Variants in ZNF517 observed in about 807,000 individuals in gnomAD.
ZNF517 encodes zinc finger protein 517.
In ZNF517, 12 loss-of-function variants were observed where a neutral mutation model predicts 12.1. The ratio of observed to expected loss-of-function variants is 0.99; its 90% CI spans 0.63 to 1.61. The LOEUF is 1.61. Ranked by LOEUF, ZNF517 falls within the 40% of genes most tolerant of loss-of-function variation. The pLI, the probability that ZNF517 is intolerant of heterozygous loss-of-function variation, is 0.00. For synonymous variants in ZNF517, 388 were observed against 310.2 expected, an observed-to-expected ratio of 1.25 and a Z score of -2.63; for missense variants, 781 against 693.2, an observed-to-expected ratio of 1.13 and a Z score of -1.42.
chr8:144,808,263 G>C lies in ZNF517; in HGVS notation c.1347G>C (p.Glu449Asp). The change falls in exon 5 of 5, where the codon GAG (glutamate) becomes GAC (aspartate). Residue 449 changes from glutamate to aspartate, a missense_variant. Coordinates refer to ENST00000359971, the MANE Select transcript of ZNF517 (RefSeq NM_213605.3). ...AGCACTACCGGCTCCACAGCGGCGAGAGGCCATACCGGTGCCGCGCCTGCG... is the reference window on the plus strand; with the variant it reads ...AGCACTACCGGCTCCACAGCGGCGACAGGCCATACCGGTGCCGCGCCTGCG... Reference protein sequence around the residue: ...LNEHYRLHSGERPYRCRACGR... With the variant: ...LNEHYRLHSGDRPYRCRACGR... 1.3e-6 allele frequency: 2 copies of C among 1,589,764 alleles called. No homozygotes were observed. Among genetic ancestry groups the C allele is most frequent in the Non-Finnish European group, 1.7e-6 (2 of 1,167,598 alleles).
intron 3 of ZNF517, 134 bp from the exon 4 acceptor site, chr8:144,803,991 C>T: frequency 9.3e-7 from 1 of 1,074,076 alleles, no homozygotes; most frequent in Non-Finnish European, 1.3e-6. Flanking sequence ...GGCCACCTAG[C>T]TGCCCCCTTC....
At chr8:144,800,352 T>A (rs1343793650) in intron 1 of ZNF517, 1 of 388,964 alleles carries the variant, frequency 2.6e-6, no homozygotes, top group East Asian at 1.6e-4. Flanking sequence ...TAAAAGCAGG[T>A]TTTTTTCCCC....
rs141134351 is a variant in ZNF517 at position 144,800,684 on chromosome 8, C to T, written c.-46+1747C>T. The T allele has an allele frequency of 7.5e-4, 737 of 985,364 alleles. 7 individuals carry two copies. The African/African-American group carries it at 0.012, about 16-fold the overall frequency. The allele number at this position is 985,364 out of a possible 1,614,324, so 61.0% of individuals were successfully genotyped here. On this transcript the variant is annotated intron_variant, in intron 1 of 4. Coordinates refer to ENST00000359971, the MANE Select transcript of ZNF517 (RefSeq NM_213605.3). The stretch of plus-strand genomic sequence containing the variant: ...GGTGGTGTGGCCCTGCTCTTCCATG[C>T]GTTTGCAGTCTGTGCCCTCTGTGCA...
In ZNF517 at chr8:144,807,973, G is replaced by A. The variant is rs1386742443; in HGVS notation, c.1057G>A (p.Ala353Thr). The change falls in exon 5 of 5, where the codon GCC (alanine) becomes ACC (threonine). Residue 353 changes from alanine to threonine, a missense_variant. Coordinates refer to ENST00000359971, the MANE Select transcript of ZNF517 (RefSeq NM_213605.3). ...GAQDGGVGQG[A>T]LLGAAQRPQA... ...CCAGGACGGCGGCGTGGGGCAGGGC[G>A]CCCTGCTCGGAGCTGCGCAGAGGCC... is the stretch of plus-strand genomic sequence containing the variant. 7 of 1,512,888 alleles carry A rather than the reference G, an allele frequency of 4.6e-6. No homozygotes were observed. The highest frequency in any genetic ancestry group is 2.2e-5 in the Admixed American group (1 of 44,862). 93.7% of individuals were successfully genotyped at this position (1,512,888 alleles called of 1,614,324 possible). A position where few individuals can be genotyped will look rare whatever the true frequency, so the allele number is the denominator to read the frequency against.
chr8:144,802,032 C>CA (rs534406587), intron 1 of ZNF517, among the ~76,000 whole-genome samples: 3 of 151,690 alleles, frequency 2.0e-5, no homozygotes, highest in Non-Finnish European at 4.4e-5. Flanking sequence ...GACCCTGTCT[C>CA]AAAAAAAGGA....
chr8:144,808,994 T>C lies in ZNF517; in HGVS notation c.*599T>C, dbSNP rs2954668. 0.29 allele frequency: 44,648 copies of C among 151,674 alleles called. 6,823 individuals carry two copies. The highest frequency in any genetic ancestry group is 0.33 in the Non-Finnish European group (22,513 of 67,932). The allele number at this position is 151,674 out of a possible 1,614,324, so 9.4% of individuals were successfully genotyped here. On this transcript the variant is annotated 3_prime_UTR_variant, in exon 5 of 5. Coordinates refer to ENST00000359971, the MANE Select transcript of ZNF517 (RefSeq NM_213605.3). The stretch of plus-strand genomic sequence containing the variant: ...TCTCTACAAAAAATTTAAAAATAAG[T>C]CAGGTATCGTGGTCTGTGCCTGTAC...
Position 144,808,712 on chromosome 8 carries a change from C to T in ZNF517, c.*317C>T, listed in dbSNP as rs1472678467. The T allele has an allele frequency of 1.1e-5, 3 of 261,400 alleles. No individual in the cohort carries two copies. The highest frequency in any genetic ancestry group is 7.0e-5 in the East Asian group (1 of 14,218). The allele number at this position is 261,400 out of a possible 1,614,324, so 16.2% of individuals were successfully genotyped here. A position where few individuals can be genotyped will look rare whatever the true frequency, so the allele number is the denominator to read the frequency against. On this transcript the variant is annotated 3_prime_UTR_variant, in exon 5 of 5. Transcript: ENST00000359971. ...CCCAAAGAGCAGGGCACAGGGGGCGCCACAGACGCATATGCAGCTGAGCTC... is the reference window on the plus strand; with the variant it reads ...CCCAAAGAGCAGGGCACAGGGGGCGTCACAGACGCATATGCAGCTGAGCTC...
At position 144,809,289 on chromosome 8, in the gene ZNF517, C is replaced by T. The variant is rs905378436; in HGVS notation, c.*894C>T. ...TACTGCAGCCTCCAGCTCCCAGGCT[C>T]AAGCGTTTCTCCCACCTTAGCCTCC... On this transcript the variant is annotated 3_prime_UTR_variant, in exon 5 of 5. Transcript: ENST00000359971. The T allele has an allele frequency of 6.6e-6, 1 of 152,214 alleles. No homozygotes were observed. The highest frequency in any genetic ancestry group is 1.5e-5 in the Non-Finnish European group (1 of 68,088). 9.4% of individuals were successfully genotyped at this position (152,214 alleles called of 1,614,324 possible).
rs748933881 is a variant in ZNF517, at chr8:144,804,195, G to A, written c.231G>A (p.Leu77=). The part of the protein sequence containing the change: ...EQGEEPGALI[L]QVAEQSVAKA... ...GAGAGGAGCCGGGGGCCTTGATTCT[G>A]CAGGTGGCTGAACAGAGCGTGGCCA... Residue 77 remains leucine, a synonymous_variant, in exon 4 of 5, where the codon CTG becomes CTA. Coordinates refer to ENST00000359971, the MANE Select transcript of ZNF517 (RefSeq NM_213605.3). The A allele has an allele frequency of 3.1e-6, 5 of 1,614,116 alleles. No individual in the cohort carries two copies. Among genetic ancestry groups the A allele is most frequent in the Non-Finnish European group, 4.2e-6 (5 of 1,179,986 alleles).
chr8:144,811,706 C>T (rs1231709765), downstream of ZNF517, among the ~76,000 whole-genome samples: 484 of 127,596 alleles, frequency 3.8e-3, 23 homozygotes, highest in African/African-American at 0.015. Flanking sequence ...CAGACTGCAG[C>T]GTGGAAGCAA....
Position 144,807,522 on chromosome 8 carries a change from C to G in ZNF517, c.606C>G (p.Ala202=), listed in dbSNP as rs369718916. The change falls in exon 5 of 5, where the codon GCC becomes GCG. Residue 202 remains alanine (A), a synonymous_variant. Transcript: ENST00000359971. The part of the protein sequence containing the change: ...LLRHQIIHTG[A]KPFQCTECGK... ...GGCACCAGATCATCCACACCGGCGC[C>G]AAGCCCTTCCAGTGCACAGAGTGCG... 2.8e-5 allele frequency: 44 copies of G among 1,594,058 alleles called. No individual in the cohort carries two copies. The highest frequency in any genetic ancestry group is 9.4e-6 in the Non-Finnish European group (11 of 1,170,862).
chr8:144,808,307 T>A lies in ZNF517; in HGVS notation c.1391T>A (p.Leu464Gln). 3 of 1,533,328 alleles carry A rather than the reference T, an allele frequency of 2.0e-6. No individual in the cohort carries two copies. Among genetic ancestry groups the A allele is most frequent in the Non-Finnish European group, 2.6e-6 (3 of 1,137,260 alleles). 95.0% of individuals were successfully genotyped at this position (1,533,328 alleles called of 1,614,324 possible). A position where few individuals can be genotyped will look rare whatever the true frequency, so the allele number is the denominator to read the frequency against. The change falls in exon 5 of 5, where the codon CTG (leucine) becomes CAG (glutamine). Residue 464 changes from leucine to glutamine, a missense_variant. By Grantham distance (113) the Leu-to-Gln change is moderately radical (BLOSUM62 -2). Coordinates refer to ENST00000359971, the MANE Select transcript of ZNF517 (RefSeq NM_213605.3). Reference protein sequence around the residue: ...CRACGRACSRLSTLIQHQKVH... With the variant: ...CRACGRACSRQSTLIQHQKVH... ...GCCTGCGGGAGGGCCTGCAGCCGGCTGTCCACCCTCATCCAGCACCAGAAG... is the reference window on the plus strand; with the variant it reads ...GCCTGCGGGAGGGCCTGCAGCCGGCAGTCCACCCTCATCCAGCACCAGAAG...
chr8:144,802,816 G>T (rs1827032379), intron 1 of ZNF517, 54 bp from the exon 2 acceptor site: 11 of 1,602,786 alleles, frequency 6.9e-6, no homozygotes, highest in African/African-American at 1.3e-5. Context: ...CTTCTGGGGG[G>T]CTGGAGGGCC....
chr8:144,800,753 G>C, intron 1 of ZNF517: 1 of 945,690 alleles, frequency 1.1e-6, no homozygotes, highest in Non-Finnish European at 1.3e-6. Flanking sequence ...ATCGCCCTTC[G>C]TACCCTAACA....
chr8:144,807,598 A>C lies in ZNF517; in HGVS notation c.682A>C (p.Thr228Pro), dbSNP rs1405602704. 6.2e-7 allele frequency: 1 copy of C among 1,607,092 alleles called. No individual in the cohort carries two copies. The change falls in exon 5 of 5, where the codon ACT becomes CCT. Residue 228 changes from threonine to proline, a missense_variant. By Grantham distance (38) the Thr-to-Pro change is conservative. Coordinates refer to ENST00000359971, the MANE Select transcript of ZNF517 (RefSeq NM_213605.3). ...CCTGCTGCGGCACCAGCTGATCCAC[A>C]CTGAGGAGAAGCCGTTCCAGTGCGG... ...SILLRHQLIH[T>P]EEKPFQCGEC...
At position 144,808,701 on chromosome 8, in the gene ZNF517, C is replaced by T. The variant is rs1827425372; in HGVS notation, c.*306C>T. On this transcript the variant is annotated 3_prime_UTR_variant, in exon 5 of 5. Coordinates refer to ENST00000359971, the MANE Select transcript of ZNF517 (RefSeq NM_213605.3). ...TATGCTCAGTCCCCAAAGAGCAGGG[C>T]ACAGGGGGCGCCACAGACGCATATG... 1.1e-5 allele frequency: 3 copies of T among 284,296 alleles called. No homozygotes were observed. Among genetic ancestry groups the T allele is most frequent in the African/African-American group, 2.2e-5 (1 of 45,702 alleles). 17.6% of individuals were successfully genotyped at this position (284,296 alleles called of 1,614,324 possible). A position where few individuals can be genotyped will look rare whatever the true frequency, so the allele number is the denominator to read the frequency against.
chr8:144,802,354 C>T (rs1318708149), intron 1 of ZNF517, among the ~76,000 whole-genome samples: 1 of 152,198 alleles, frequency 6.6e-6, no homozygotes, highest in Non-Finnish European at 1.5e-5. Flanking sequence ...CCAGCCTGGG[C>T]GACAGAGCGA....
chr8:144,800,997 T>G (rs1323551920), intron 1 of ZNF517, among the ~76,000 whole-genome samples: 1 of 152,088 alleles, frequency 6.6e-6, no homozygotes, highest in Non-Finnish European at 1.5e-5. Flanking sequence ...ACTCGGCTAA[T>G]TTTTGTATTT....
rs774482616 is a variant in ZNF517 at position 144,808,314 on chromosome 8, C to G, written c.1398C>G (p.Thr466=). 6.6e-7 allele frequency: 1 copy of G among 1,523,630 alleles called. No individual in the cohort carries two copies. Among genetic ancestry groups the G allele is most frequent in the African/African-American group, 1.4e-5 (1 of 72,424 alleles). 94.4% of individuals were successfully genotyped at this position (1,523,630 alleles called of 1,614,324 possible). ...GGAGGGCCTGCAGCCGGCTGTCCAC[C>G]CTCATCCAGCACCAGAAGGTGCACG... The part of the protein sequence containing the change: ...ACGRACSRLS[T]LIQHQKVHGR... The change falls in exon 5 of 5, where the codon ACC becomes ACG. Residue 466 remains threonine, a synonymous_variant. Coordinates refer to ENST00000359971, the MANE Select transcript of ZNF517 (RefSeq NM_213605.3).
Sources: allele counts gnomAD v4.1 joint callset (sites outside exome capture counted in the v4.1 genomes callset), GRCh38; gene constraint gnomAD v4.1.1; transcripts MANE v1.5; gene names NCBI Gene and HGNC (gene_info 2026-07-23, HGNC 2026-07-21).